PIGA: variants seen among roughly 807,000 people sequenced by gnomAD.
The protein encoded by PIGA is phosphatidylinositol glycan anchor biosynthesis class A, also known as phosphatidylinositol N-acetylglucosaminyltransferase subunit A.
PIGA carries 3 observed loss-of-function variants against 17.1 expected under a neutral mutation model. The observed-to-expected ratio is 0.18, with a 90% CI of 0.08 to 0.45. The LOEUF (loss-of-function observed/expected upper bound fraction) is 0.45, where lower values mean the gene tolerates loss of function less well. Ranked by LOEUF, PIGA falls within the 20% of genes least tolerant of loss-of-function variation. The probability of loss-of-function intolerance (pLI) is 0.99; values close to 1 mark genes in which losing one functional copy is unlikely to be tolerated. For missense variants in PIGA, 231 were observed against 374.1 expected, an observed-to-expected ratio of 0.62 and a Z score of 3.16; for synonymous variants, 126 against 135.1, an observed-to-expected ratio of 0.93 and a Z score of 0.47.
intron 1 of PIGA, chrX:15,335,237 CAA>C (rs1021084531): frequency 1.8e-4 from 53 of 292,924 alleles, no homozygotes; most frequent in African/African-American, 1.4e-3. Context: ...AGAAAACAAC[CAA>C]AGAGTGGACG....
At chrX:15,323,111 ATTAC>A (rs762765205) in intron 5 of PIGA, among the ~76,000 whole-genome samples, 1 of 112,064 alleles carries the variant, frequency 8.9e-6, no homozygotes, top group African/African-American at 3.2e-5. Context: ...ATGCTGTACT[ATTAC>A]TTTAACCAAA....
In PIGA at chrX:15,320,858, A is replaced by G. The variant is rs1921785696; in HGVS notation, c.*648T>C. 1 of 111,397 alleles carries G rather than the reference A, an allele frequency of 9.0e-6. No homozygotes were observed. Among genetic ancestry groups the G allele is most frequent in the Admixed American group, 9.6e-5 (1 of 10,383 alleles). 9.2% of individuals were successfully genotyped at this position (111,397 alleles called of 1,213,427 possible). A position where few individuals can be genotyped will look rare whatever the true frequency, so the allele number is the denominator to read the frequency against. On this transcript the variant is annotated 3_prime_UTR_variant, in exon 6 of 6. Coordinates refer to ENST00000333590, the MANE Select transcript of PIGA (RefSeq NM_002641.4). ...AACCACAATTATGATGAAGTAAGCCATTTGAATGGTAAACAAAGAGTGAAT... is the reference window on the plus strand; with the variant it reads ...AACCACAATTATGATGAAGTAAGCCGTTTGAATGGTAAACAAAGAGTGAAT...
At position 15,321,378 on chromosome X, in the gene PIGA, G is replaced by A; in HGVS notation, c.*128C>T. ...CTTTCCTCAACAGAAAATATTGAAT[G>A]ATATAGAGGTAGCATAACTTACTAA... is the stretch of plus-strand genomic sequence containing the variant. On this transcript the variant is annotated 3_prime_UTR_variant, in exon 6 of 6. Transcript: ENST00000333590. 2.0e-6 allele frequency: 1 copy of A among 506,784 alleles called. No individual in the cohort carries two copies. Among genetic ancestry groups the A allele is most frequent in the Admixed American group, 3.4e-5 (1 of 29,324 alleles). The allele number at this position is 506,784 out of a possible 1,213,427, so 41.8% of individuals were successfully genotyped here.
chrX:15,325,641 G>C (rs1921948136), intron 3 of PIGA: 1 of 210,346 alleles, frequency 4.8e-6, no homozygotes, highest in Non-Finnish European at 8.5e-6. Context: ...AACGCTTCCA[G>C]TTAAAGCAGC....
chrX:15,331,026 T>C, intron 2 of PIGA, 190 bp downstream of exon 2: 1 of 396,130 alleles, frequency 2.5e-6, no homozygotes. Context: ...GGGGACAGCA[T>C]TCACCACCAT....
intron 3 of PIGA, 70 bp downstream of exon 3, chrX:15,325,844 G>A (rs747959988): frequency 1.9e-5 from 16 of 834,629 alleles, no homozygotes; most frequent in Admixed American, 1.7e-4. Flanking sequence ...CCTAAGGTAC[G>A]CATGCAGTTA....
chrX:15,331,840 G>A lies in PIGA; in HGVS notation c.91C>T (p.Arg31Cys), dbSNP rs780532806. The A allele has an allele frequency of 4.1e-6, 5 of 1,211,764 alleles. No homozygotes were observed. Among genetic ancestry groups the A allele is most frequent in the Non-Finnish European group, 4.5e-6 (4 of 895,415 alleles). Residue 31 changes from arginine (R) to cysteine (C), a missense_variant, in exon 2 of 6, where the codon CGT becomes TGT. This residue lies in a region of PIGA where 29 missense variants were observed against 28.1 expected (regional missense o/e 1.03). Coordinates refer to ENST00000333590, the MANE Select transcript of PIGA (RefSeq NM_002641.4). ...SPGSLYTCRTRTHNICMVSDF... is the reference protein window; with the variant it reads ...SPGSLYTCRTCTHNICMVSDF... ...GATACCATGCATATATTATGGGTAC[G>A]GGTTCTACATGTGTAAAGACTTCCA...
chrX:15,329,157 T>C (rs1021768086), intron 2 of PIGA, among the ~76,000 whole-genome samples: 1 of 112,490 alleles, frequency 8.9e-6, no homozygotes, highest in Non-Finnish European at 1.9e-5. Flanking sequence ...GGCACACCAC[T>C]GAATTCAGTG....
At chrX:15,330,992 T>G (rs1450365100) in intron 2 of PIGA, 1 of 336,948 alleles carries the variant, frequency 3.0e-6, no homozygotes, top group African/African-American at 2.6e-5. Flanking sequence ...TTATTTTTAG[T>G]AACCATTAAA....
chrX:15,330,589 G>C (rs1922123506), intron 2 of PIGA, among the ~76,000 whole-genome samples: 1 of 111,587 alleles, frequency 9.0e-6, no homozygotes, highest in Non-Finnish European at 1.9e-5. Context: ...CCATCTGTGA[G>C]CTCTGCCCTT....
Position 15,331,514 on chromosome X carries a change from G to A in PIGA, c.417C>T (p.Leu139=), listed in dbSNP as rs2147723711. 3 of 1,211,987 alleles carry A rather than the reference G, an allele frequency of 2.5e-6. No homozygotes were observed. The highest frequency in any genetic ancestry group is 4.3e-5 in the Admixed American group (2 of 46,089). The change falls in exon 2 of 6, where the codon CTC becomes CTT. Residue 139 remains leucine, a synonymous_variant. Coordinates refer to ENST00000333590, the MANE Select transcript of PIGA (RefSeq NM_002641.4). ...SSFSAMAHDA[L]FHAKTMGLQT... is the part of the protein sequence containing the mutation. The stretch of plus-strand genomic sequence containing the variant: ...GAAGCCCCATTGTCTTGGCGTGGAA[G>A]AGAGCATCATGGGCCATAGCAGAAA...
chrX:15,333,027 A>G (rs1374069611), intron 1 of PIGA, among the ~76,000 whole-genome samples: 1 of 112,145 alleles, frequency 8.9e-6, no homozygotes, highest in Non-Finnish European at 1.9e-5. Flanking sequence ...AAAACAGGCC[A>G]GGATCCAAAC....
intron 2 of PIGA, among the ~76,000 whole-genome samples, chrX:15,330,061 GGGGGT>G (rs1922107145): frequency 9.5e-6 from 1 of 105,815 alleles, no homozygotes; most frequent in Admixed American, 1.0e-4. Flanking sequence ...CTCCAGCCCG[GGGGGT>G]GACAGTGCGA....
chrX:15,334,862 G>GCTCCA, intron 1 of PIGA, among the ~76,000 whole-genome samples: 1 of 112,116 alleles, frequency 8.9e-6, no homozygotes, highest in Non-Finnish European at 1.9e-5. Context: ...ATGAGGCTTG[G>GCTCCA]AGCTCTAGTG....
intron 1 of PIGA, among the ~76,000 whole-genome samples, chrX:15,333,939 C>T (rs1055986456): frequency 9.0e-6 from 1 of 111,122 alleles, no homozygotes; most frequent in African/African-American, 3.3e-5. Flanking sequence ...ATGTGAAATG[C>T]CCACTCAATA....
At chrX:15,333,450 G>A (rs193105327) in intron 1 of PIGA, among the ~76,000 whole-genome samples, 2 of 111,956 alleles carry the variant, frequency 1.8e-5, no homozygotes, top group South Asian at 3.7e-4. Context: ...GGAGGCTGAG[G>A]TGGGTGGATC....
At position 15,319,613 on chromosome X, in the gene PIGA, A is replaced by G. The variant is rs763505541; in HGVS notation, c.*1893T>C. 4 of 112,237 alleles carry G rather than the reference A, an allele frequency of 3.6e-5. No homozygotes were observed. In the East Asian group the frequency reaches 1.1e-3, roughly 31 times the overall value. 9.2% of individuals were successfully genotyped at this position (112,237 alleles called of 1,213,427 possible). On this transcript the variant is annotated 3_prime_UTR_variant, in exon 6 of 6. Coordinates refer to ENST00000333590, the MANE Select transcript of PIGA (RefSeq NM_002641.4). ...TTCACTTTAAAATCAACTAAGTAGC[A>G]GGGTAGAGCAATGTGTTTCCATATA...
At chrX:15,326,174 T>C (rs1047766943) in intron 2 of PIGA, 128 bp from the exon 3 acceptor site, 7 of 397,765 alleles carry the variant, frequency 1.8e-5, no homozygotes, top group African/African-American at 2.6e-5. Context: ...GAAACTCTCT[T>C]AAACCTTTTC....
At chrX:15,325,260 C>T in intron 3 of PIGA, 108 bp from the exon 4 acceptor site, 1 of 684,023 alleles carries the variant, frequency 1.5e-6, no homozygotes, top group Non-Finnish European at 2.0e-6. Context: ...ATTCTTATTG[C>T]TGCTAATGTT....
Sources: allele counts gnomAD v4.1 joint callset (sites outside exome capture counted in the v4.1 genomes callset), GRCh38; gene constraint gnomAD v4.1.1; regional missense constraint gnomAD v4.1.1; transcripts MANE v1.5; gene names NCBI Gene and HGNC (gene_info 2026-07-23, HGNC 2026-07-21).